WDR64: variants seen among roughly 807,000 people sequenced by gnomAD.
WDR64 encodes the protein WD repeat domain 64.
A neutral mutation model predicts 139.3 loss-of-function variants in WDR64; 112 were observed. The ratio of observed to expected loss-of-function variants is 0.80; its 90% CI spans 0.69 to 0.94. The LOEUF (loss-of-function observed/expected upper bound fraction) is 0.94, where lower values mean the gene tolerates loss of function less well. WDR64 is among the 40% of genes least tolerant of loss of function. WDR64 has a pLI of 0.00. For synonymous variants in WDR64, 444 were observed against 437.7 expected, an observed-to-expected ratio of 1.01 and a Z score of -0.18; for missense variants, 1,206 against 1,293.1, an observed-to-expected ratio of 0.93 and a Z score of 1.03.
At chr1:241,779,011 C>CT (rs999197247) in intron 21 of WDR64, among the ~76,000 whole-genome samples, 1 of 151,892 alleles carries the variant, frequency 6.6e-6, no homozygotes, top group African/African-American at 2.4e-5. Flanking sequence ...TATCATTTTT[C>CT]TTTTTTCTGA....
intron 4 of WDR64, among the ~76,000 whole-genome samples, chr1:241,675,123 C>CCTTCCTT (rs1427164669): frequency 5.8e-5 from 1 of 17,298 alleles, no homozygotes. Flanking sequence ...CTCCCTCCCT[C>CCTTCCTT]CTTCCCTCCT....
rs764812158 is a variant in WDR64, at chr1:241,795,293, T to G, written c.3078+6T>G. On this transcript the variant is annotated splice_donor_region_variant and intron_variant, in intron 26 of 27. Transcript: ENST00000437684. ...GCTCTCTGCCTATATACAGTGTGAG[T>G]TGGAGTTTCTAGGAGTAGAGGGGTC... 9 of 1,610,706 alleles carry G rather than the reference T, an allele frequency of 5.6e-6. No individual in the cohort carries two copies. The highest frequency in any genetic ancestry group is 5.9e-6 in the Non-Finnish European group (7 of 1,178,078).
chr1:241,669,362 T>C (rs1447241614), intron 2 of WDR64, among the ~76,000 whole-genome samples: 1 of 152,192 alleles, frequency 6.6e-6, no homozygotes, highest in Non-Finnish European at 1.5e-5. Context: ...AACTGAATAA[T>C]GCATAAATTA....
At chr1:241,739,345 G>A (rs1484430903) in intron 11 of WDR64, among the ~76,000 whole-genome samples, 1 of 152,094 alleles carries the variant, frequency 6.6e-6, no homozygotes, top group East Asian at 1.9e-4. Context: ...TTTCCCACTG[G>A]CCAGCTGCTC....
intron 5 of WDR64, 65 bp from the exon 6 acceptor site, chr1:241,679,420 G>T (rs1450055768): frequency 1.4e-6 from 2 of 1,385,674 alleles, no homozygotes; most frequent in African/African-American, 2.9e-5. Context: ...CCTGCTCTTT[G>T]GTGACCATCA....
intron 4 of WDR64, among the ~76,000 whole-genome samples, chr1:241,675,085 T>C (rs111214318): frequency 0.89 from 15,737 of 17,638 alleles, 7,117 homozygotes; most frequent in South Asian, 0.94. Context: ...CTCCCTCCCT[T>C]CATCCTTCCT....
At chr1:241,683,833 T>A in intron 7 of WDR64, 132 bp downstream of exon 7, 2 of 708,098 alleles carry the variant, frequency 2.8e-6, no homozygotes, top group East Asian at 2.8e-5. Flanking sequence ...TAAAGTAATA[T>A]AAACAATTAA....
intron 16 of WDR64, among the ~76,000 whole-genome samples, chr1:241,766,703 TA>T (rs33937120): frequency 0.34 from 45,267 of 132,106 alleles, 7,918 homozygotes; most frequent in Non-Finnish European, 0.44. Context: ...AAACTCAGTA[TA>T]AAAAAAAAAA....
Position 241,683,682 on chromosome 1 carries a change from G to A in WDR64, c.820G>A (p.Asp274Asn). 1 of 1,549,808 alleles carries A rather than the reference G, an allele frequency of 6.5e-7. No individual in the cohort carries two copies. The highest frequency in any genetic ancestry group is 8.7e-7 in the Non-Finnish European group (1 of 1,145,950). ...SKRKLQNQVL[D>N]SKNFKSVKRK... ...AAGAAAATTACAAAATCAGGTCTTA[G>A]ACTCAAAGAACTTTAAAAGGTAAGA... The change falls in exon 7 of 28, where the codon GAC (aspartate) becomes AAC (asparagine). Residue 274 changes from aspartate (D) to asparagine (N), a missense_variant. Coordinates refer to ENST00000437684, the MANE Select transcript of WDR64 (RefSeq NM_001367482.1).
chr1:241,793,134 C>A (rs4548421), intron 25 of WDR64, among the ~76,000 whole-genome samples: 32,510 of 152,090 alleles, frequency 0.21, 3,853 homozygotes, highest in East Asian at 0.42. Context: ...ATAAGTATAT[C>A]CATAACAATT....
At chr1:241,772,330 G>GAAAA (rs35285628) in intron 19 of WDR64, among the ~76,000 whole-genome samples, 25 of 128,840 alleles carry the variant, frequency 1.9e-4, no homozygotes, top group African/African-American at 7.4e-4. Context: ...TTCTCTGGGT[G>GAAAA]AAAAAAAAAA....
intron 27 of WDR64, 64 bp from the exon 28 acceptor site, chr1:241,801,068 C>A: frequency 1.5e-6 from 2 of 1,371,136 alleles, no homozygotes; most frequent in Middle Eastern, 1.8e-4. Context: ...TACACCTTGA[C>A]TCTGGAAAAT....
chr1:241,742,331 C>G (rs896802476), intron 12 of WDR64, among the ~76,000 whole-genome samples: 3 of 152,216 alleles, frequency 2.0e-5, no homozygotes, highest in Admixed American at 6.5e-5. Context: ...AGGCTGAGAG[C>G]TACTGGGCTG....
intron 13 of WDR64, among the ~76,000 whole-genome samples, chr1:241,744,937 T>A (rs1356727594): frequency 6.6e-6 from 1 of 152,230 alleles, no homozygotes; most frequent in Non-Finnish European, 1.5e-5. Flanking sequence ...CTTTGTCACA[T>A]TACTCCTATA....
intron 14 of WDR64, among the ~76,000 whole-genome samples, chr1:241,755,397 C>G (rs1670149296): frequency 6.6e-6 from 1 of 152,076 alleles, no homozygotes; most frequent in African/African-American, 2.4e-5. Flanking sequence ...TATCCTTCAC[C>G]CACTTGTTAA....
intron 10 of WDR64, among the ~76,000 whole-genome samples, chr1:241,735,855 C>G (rs10802986): frequency 0.062 from 4,428 of 71,260 alleles, 145 homozygotes; most frequent in African/African-American, 0.13. Context: ...CTCTCTCTCT[C>G]TGTGTGTGTG....
At chr1:241,766,109 A>G in intron 15 of WDR64, 109 bp from the exon 16 acceptor site, 1 of 1,008,966 alleles carries the variant, frequency 9.9e-7, no homozygotes, top group South Asian at 2.7e-5. Flanking sequence ...AATATATATA[A>G]TAAGGCATTT....
At chr1:241,691,243 CA>C (rs1667266707) in intron 8 of WDR64, among the ~76,000 whole-genome samples, 1 of 151,750 alleles carries the variant, frequency 6.6e-6, no homozygotes, top group Non-Finnish European at 1.5e-5. Context: ...GAGTAAAAGA[CA>C]AAAATAGAAA....
Position 241,700,195 on chromosome 1 carries a change from T to C in WDR64, c.975-11607T>C, listed in dbSNP as rs1318172725. ...TTTTTTTTTATCCTTAACATATTTA[T>C]TGCGTACCTATTTTAGACCAAAAAC... On this transcript the variant is annotated intron_variant, in intron 8 of 27. Transcript: ENST00000437684. Among the ~76,000 whole-genome samples the C allele has an allele frequency of 9.3e-5, 14 of 150,462 alleles. No individual in the cohort carries two copies. In the East Asian group the frequency reaches 2.6e-3, roughly 28 times the overall value.
Sources: gnomAD v4.1 joint callset for allele counts (sites outside exome capture counted in the v4.1 genomes callset) on GRCh38, gnomAD v4.1.1 for gene constraint, MANE v1.5 for transcripts, NCBI Gene and HGNC (gene_info 2026-07-23, HGNC 2026-07-21) for gene names.